Variants in IL16 observed in about 807,000 individuals in gnomAD.
The protein encoded by IL16 is pro-interleukin-16.
IL16 carries 67 observed loss-of-function variants against 110.1 expected under a neutral mutation model. The observed-to-expected ratio is 0.61, with a 90% CI of 0.50 to 0.75. IL16 has a LOEUF of 0.75. Among genes scored for constraint, IL16 ranks in the 30% least tolerant of loss-of-function variants. IL16 has a pLI of 0.00. For synonymous variants in IL16, 689 were observed against 662.9 expected, an observed-to-expected ratio of 1.04 and a Z score of -0.61; for missense variants, 1,545 against 1,655.0, an observed-to-expected ratio of 0.93 and a Z score of 1.15.
Position 81,299,384 on chromosome 15 carries a change from C to T in IL16, c.2058C>T (p.Thr686=). Residue 686 remains threonine, a synonymous_variant, in exon 14 of 19, where the codon ACC becomes ACT. Coordinates refer to ENST00000683961, the MANE Select transcript of IL16 (RefSeq NM_172217.5). ...EPGWRRASPV[T]QTSPIKHPLL... ...GGCCTTGTTTCTGCACTGTAGTGAC[C>T]CAAACATCCCCGATAAAACACCCAC... 1 of 1,612,372 alleles carries T rather than the reference C, an allele frequency of 6.2e-7. No homozygotes were observed. Among genetic ancestry groups the T allele is most frequent in the South Asian group, 1.1e-5 (1 of 91,080 alleles).
chr15:81,193,593 G>T (rs376501130), upstream of IL16, among the ~76,000 whole-genome samples: 1 of 152,296 alleles, frequency 6.6e-6, no homozygotes, highest in East Asian at 1.9e-4. Flanking sequence ...GGGCAGCATG[G>T]TCTACATGGA....
intron 1 of IL16, among the ~76,000 whole-genome samples, chr15:81,202,285 T>C (rs1389392936): frequency 1.3e-5 from 2 of 152,094 alleles, no homozygotes; most frequent in Non-Finnish European, 2.9e-5. Context: ...TGGAGTAGCA[T>C]CAGATGAGTG....
chr15:81,304,078 A>G (rs1713791587), intron 16 of IL16, among the ~76,000 whole-genome samples: 1 of 152,198 alleles, frequency 6.6e-6, no homozygotes, highest in African/African-American at 2.4e-5. Context: ...TTCCATGCCC[A>G]ACTGAAAACA....
intron 5 of IL16, among the ~76,000 whole-genome samples, chr15:81,272,689 C>T (rs976086436): frequency 2.0e-5 from 3 of 152,200 alleles, no homozygotes; most frequent in Non-Finnish European, 4.4e-5. Context: ...CTTTCAAACA[C>T]AACCCTGTGA....
At chr15:81,215,745 C>T (rs1488666736) in intron 1 of IL16, among the ~76,000 whole-genome samples, 1 of 152,204 alleles carries the variant, frequency 6.6e-6, no homozygotes, top group Non-Finnish European at 1.5e-5. Flanking sequence ...CCATTTGTCT[C>T]ACCCCTTGCC....
chr15:81,217,182 G>A (rs530529497), intron 1 of IL16, among the ~76,000 whole-genome samples: 1 of 152,236 alleles, frequency 6.6e-6, no homozygotes, highest in Non-Finnish European at 1.5e-5. Context: ...TGAAGACAAA[G>A]CAAGGCAAAC....
At chr15:81,273,522 C>T (rs1380764899) in intron 6 of IL16, among the ~76,000 whole-genome samples, 1 of 152,134 alleles carries the variant, frequency 6.6e-6, no homozygotes, top group Non-Finnish European at 1.5e-5. Flanking sequence ...CACCCATTCT[C>T]TCGGCTGTCT....
At chr15:81,296,905 C>A in intron 12 of IL16, 23 bp from the exon 13 acceptor site, 2 of 1,575,440 alleles carry the variant, frequency 1.3e-6, no homozygotes, top group South Asian at 2.3e-5. Flanking sequence ...TTGACATGGT[C>A]TCGCTTCCTG....
intron 1 of IL16, among the ~76,000 whole-genome samples, chr15:81,199,919 T>C (rs1008107978): frequency 6.6e-6 from 1 of 152,262 alleles, no homozygotes; most frequent in Admixed American, 6.5e-5. Context: ...AATGCACATA[T>C]GACAAGATTC....
chr15:81,259,693 C>T, intron 2 of IL16, 79 bp from the exon 3 acceptor site: 1 of 820,846 alleles, frequency 1.2e-6, no homozygotes, highest in Non-Finnish European at 2.1e-6. Flanking sequence ...CTTCTATGGT[C>T]AGTGTCAAAA....
At chr15:81,263,883 A>G (rs1310357608) in intron 3 of IL16, among the ~76,000 whole-genome samples, 21 of 152,074 alleles carry the variant, frequency 1.4e-4, no homozygotes, top group Admixed American at 1.4e-3. Flanking sequence ...CTGTTTCTTC[A>G]CTGATCCGGA....
chr15:81,194,563 T>A (rs914165584), upstream of IL16, among the ~76,000 whole-genome samples: 2 of 151,948 alleles, frequency 1.3e-5, no homozygotes, highest in African/African-American at 2.4e-5. Context: ...ATTTTTGTAA[T>A]TAAAAATTTA....
chr15:81,245,755 A>G (rs1175324722), intron 2 of IL16, among the ~76,000 whole-genome samples: 1 of 59,702 alleles, frequency 1.7e-5, no homozygotes, highest in Non-Finnish European at 2.9e-5. Context: ...TTTTGCCTGT[A>G]CCTACTGGCA....
At chr15:81,307,108 G>A (rs1245920822) in intron 18 of IL16, among the ~76,000 whole-genome samples, 1 of 152,148 alleles carries the variant, frequency 6.6e-6, no homozygotes, top group African/African-American at 2.4e-5. Context: ...TGATATGGGG[G>A]TCACTTGGAT....
In IL16 at chr15:81,203,753, C is replaced by T. The variant is rs1038096574; in HGVS notation, c.-102+6601C>T. On this transcript the variant is annotated intron_variant, in intron 1 of 18. Transcript: ENST00000683961. ...TGTAGTATAGTTTGAAGTCAGGTAGCGTGATGCCTCCAACTTTGTTCTTTT... is the reference window on the plus strand; with the variant it reads ...TGTAGTATAGTTTGAAGTCAGGTAGTGTGATGCCTCCAACTTTGTTCTTTT... Among the ~76,000 whole-genome samples the T allele has an allele frequency of 5.9e-3, 905 of 152,216 alleles. 1 individual carries two copies. Among genetic ancestry groups the T allele is most frequent in the African/African-American group, 0.012 (480 of 41,516 alleles).
chr15:81,250,310 C>T (rs972095297), intron 2 of IL16, among the ~76,000 whole-genome samples: 13 of 152,150 alleles, frequency 8.5e-5, no homozygotes, highest in African/African-American at 2.4e-4. Context: ...GCTGGGATTA[C>T]AGGCATGAGC....
At chr15:81,285,330 G>A (rs187436722) in intron 9 of IL16, among the ~76,000 whole-genome samples, 8 of 152,322 alleles carry the variant, frequency 5.3e-5, no homozygotes, top group Non-Finnish European at 1.0e-4. Context: ...CCCAAGGAGA[G>A]GATGTGGTGG....
chr15:81,199,867 G>A (rs569661107), intron 1 of IL16, among the ~76,000 whole-genome samples: 18 of 152,300 alleles, frequency 1.2e-4, no homozygotes, highest in African/African-American at 2.6e-4. Flanking sequence ...ATCTGAGTAA[G>A]CACAGACCTC....
chr15:81,308,972 G>A lies in IL16; in HGVS notation c.*174G>A. The A allele has an allele frequency of 1.9e-6, 1 of 529,828 alleles. No individual in the cohort carries two copies. The highest frequency in any genetic ancestry group is 3.3e-6 in the Non-Finnish European group (1 of 301,770). The allele number at this position is 529,828 out of a possible 1,614,324, so 32.8% of individuals were successfully genotyped here. A position where few individuals can be genotyped will look rare whatever the true frequency, so the allele number is the denominator to read the frequency against. ...CTAGGACGCCACCCAGCAAAAGGTT[G>A]TTCCTAAAATAAGGGCAGAGTCACA... On this transcript the variant is annotated 3_prime_UTR_variant, in exon 19 of 19. Transcript: ENST00000683961.
Sources: allele counts gnomAD v4.1 joint callset (sites outside exome capture counted in the v4.1 genomes callset), GRCh38; gene constraint gnomAD v4.1.1; transcripts MANE v1.5; gene names NCBI Gene and HGNC (gene_info 2026-07-23, HGNC 2026-07-21).